WDR76: variants seen among roughly 807,000 people sequenced by gnomAD.
WDR76 encodes WD repeat-containing protein 76.
WDR76 carries 52 observed loss-of-function variants against 70.2 expected under a neutral mutation model. The ratio of observed to expected loss-of-function variants is 0.74; its 90% confidence interval spans 0.59 to 0.93. The LOEUF (loss-of-function observed/expected upper bound fraction) is 0.93. Among genes scored for constraint, WDR76 ranks in the 40% least tolerant of loss-of-function variants. The pLI, the probability that WDR76 is intolerant of heterozygous loss-of-function variation, is 0.00. For synonymous variants in WDR76, 292 were observed against 271.1 expected (o/e 1.08, Z -0.76); for missense variants, 756 against 760.2 (o/e 0.99, Z 0.07).
At chr15:43,846,896 C>T (rs1376308208) in intron 8 of WDR76, among the ~76,000 whole-genome samples, 1 of 151,868 alleles carries the variant, frequency 6.6e-6, no homozygotes, top group Non-Finnish European at 1.5e-5. Flanking sequence ...GTGGCACATG[C>T]CTGTAATCCC....
chr15:43,851,014 A>AT (rs2087850840), intron 8 of WDR76, 73 bp from the exon 9 acceptor site: 1 of 1,562,376 alleles, frequency 6.4e-7, no homozygotes, highest in African/African-American at 1.4e-5. Context: ...CTTTAATGAC[A>AT]TAATAGCATA....
intron 1 of WDR76, among the ~76,000 whole-genome samples, chr15:43,827,463 T>C (rs914934008): frequency 6.6e-6 from 1 of 152,196 alleles, no homozygotes; most frequent in African/African-American, 2.4e-5. Context: ...AGTAAGTGAA[T>C]TCTACTGAGG....
At chr15:43,829,333 A>G (rs2087557962) in intron 2 of WDR76, among the ~76,000 whole-genome samples, 1 of 152,124 alleles carries the variant, frequency 6.6e-6, no homozygotes, top group South Asian at 2.1e-4. Flanking sequence ...AAAACAGAAA[A>G]TGATCCTAGG....
chr15:43,831,711 A>G (rs2087591265), intron 2 of WDR76, among the ~76,000 whole-genome samples: 1 of 151,972 alleles, frequency 6.6e-6, no homozygotes, highest in Non-Finnish European at 1.5e-5. Flanking sequence ...CAGTGCTGGG[A>G]TTACAGGCGT....
chr15:43,828,376 T>C lies in WDR76; in HGVS notation c.462+10T>C. ...TACCACACCATCCCTGGTAAGAACT[T>C]AATTAGTAGCTTGTTCTGGTTTCTC... On this transcript the variant is annotated intron_variant, in intron 2 of 12. Transcript: ENST00000263795. 1 of 1,574,926 alleles carries C rather than the reference T, an allele frequency of 6.3e-7. No individual in the cohort carries two copies. Among genetic ancestry groups the C allele is most frequent in the Non-Finnish European group, 8.6e-7 (1 of 1,164,422 alleles).
In WDR76 at chr15:43,839,718, C is replaced by G; in HGVS notation, c.722C>G (p.Ala241Gly). The G allele has an allele frequency of 6.2e-7, 1 of 1,604,388 alleles. No individual in the cohort carries two copies. Among genetic ancestry groups the G allele is most frequent in the Non-Finnish European group, 8.5e-7 (1 of 1,175,602 alleles). Residue 241 changes from alanine to glycine, a missense_variant, in exon 5 of 13, where the codon GCA becomes GGA. By Grantham distance (60) the Ala-to-Gly change is moderately conservative (BLOSUM62 0). Transcript: ENST00000263795. Reference sequence around the variant, plus strand: ...GCTCCAACACCGCCGACATTAGTAGCAGATGAAACTGTAAGGAAATGTGCA... The same window carrying G: ...GCTCCAACACCGCCGACATTAGTAGGAGATGAAACTGTAAGGAAATGTGCA... ...PAAPTPPTLV[A>G]DETPLLPPGP...
Position 43,866,384 on chromosome 15 carries a change from A to T in WDR76, c.1873A>T (p.Ser625Cys), listed in dbSNP as rs1298376667. The T allele has an allele frequency of 6.8e-6, 11 of 1,613,694 alleles. No homozygotes were observed. The highest frequency in any genetic ancestry group is 9.3e-6 in the Non-Finnish European group (11 of 1,179,586). ...GATACATGTTTTTATGAATGAAAAA[A>T]GCTGCTGAGTTTTTGGTTTAGGAAC... is the stretch of plus-strand genomic sequence containing the variant. ...GKIHVFMNEK[S>C]C Residue 625 changes from serine to cysteine, a missense_variant, in exon 13 of 13, where the codon AGC becomes TGC. Physicochemically the swap from Ser to Cys is moderately radical, Grantham distance 112. Transcript: ENST00000263795.
At chr15:43,841,336 A>G (rs1027808295) in intron 5 of WDR76, among the ~76,000 whole-genome samples, 9 of 150,626 alleles carry the variant, frequency 6.0e-5, no homozygotes, top group Non-Finnish European at 1.2e-4. Context: ...CGCTGGGACT[A>G]TAGGCACCTG....
intron 9 of WDR76, among the ~76,000 whole-genome samples, chr15:43,852,059 CCT>C (rs1292271974): frequency 6.6e-6 from 1 of 152,096 alleles, no homozygotes; most frequent in Non-Finnish European, 1.5e-5. Context: ...AGAGTGAGAC[CCT>C]CTCTCAAAAT....
intron 10 of WDR76, among the ~76,000 whole-genome samples, chr15:43,858,196 G>T (rs146313280): frequency 6.6e-6 from 1 of 151,696 alleles, no homozygotes; most frequent in Non-Finnish European, 1.5e-5. Flanking sequence ...CTCCCAAAGT[G>T]CTGGGATTAC....
intron 2 of WDR76, among the ~76,000 whole-genome samples, chr15:43,831,441 G>T (rs1283962284): frequency 6.6e-6 from 1 of 151,162 alleles, no homozygotes; most frequent in African/African-American, 2.4e-5. Flanking sequence ...GCCCAGCCAA[G>T]ATACTTTTTT....
At chr15:43,828,813 G>A (rs759424781) in intron 2 of WDR76, among the ~76,000 whole-genome samples, 2 of 152,184 alleles carry the variant, frequency 1.3e-5, no homozygotes, top group East Asian at 1.9e-4. Context: ...AATGCAAAAC[G>A]AGACAAATGA....
At position 43,849,633 on chromosome 15, in the gene WDR76, G is replaced by A. The variant is rs144122929; in HGVS notation, c.1033-1454G>A. Among the ~76,000 whole-genome samples the A allele has an allele frequency of 1.1e-3, 165 of 152,114 alleles. 2 individuals carry two copies. Among genetic ancestry groups the A allele is most frequent in the African/African-American group, 3.7e-3 (153 of 41,502 alleles). On this transcript the variant is annotated intron_variant, in intron 8 of 12. Transcript: ENST00000263795. The stretch of plus-strand genomic sequence containing the variant: ...GGCTCACTGCAACCTCTGCCTCCCC[G>A]GTTCAAGCAATTCTCTGCCTCAGCC...
chr15:43,851,310 G>A, intron 9 of WDR76, 65 bp downstream of exon 9: 1 of 1,580,156 alleles, frequency 6.3e-7, no homozygotes, highest in Non-Finnish European at 8.6e-7. Flanking sequence ...AATGCCACAT[G>A]AATAATTATT....
intron 4 of WDR76, 93 bp downstream of exon 4, chr15:43,836,309 G>C: frequency 8.9e-7 from 1 of 1,127,620 alleles, no homozygotes; most frequent in Non-Finnish European, 1.3e-6. Context: ...AAGCTTAACA[G>C]ATCATAAAGT....
chr15:43,827,201 G>A (rs1177002376), intron 1 of WDR76, 109 bp downstream of exon 1: 51 of 1,411,388 alleles, frequency 3.6e-5, no homozygotes, highest in Middle Eastern at 1.8e-4. Flanking sequence ...GGGGGTAGGC[G>A]GGGGATCCCT....
intron 9 of WDR76, among the ~76,000 whole-genome samples, chr15:43,854,785 C>T (rs755395700): frequency 6.6e-6 from 1 of 151,652 alleles, no homozygotes; most frequent in Non-Finnish European, 1.5e-5. Flanking sequence ...CCCATCTCTA[C>T]TAAAAACACA....
rs149775321 is a variant in WDR76, at chr15:43,830,423, G to A, written c.462+2057G>A. On this transcript the variant is annotated intron_variant, in intron 2 of 12. Transcript: ENST00000263795. ...ACCAAAAATACAAAATTAGCTGGGC[G>A]TGGTGGCACAGGCCTGTAATCCCAG... 7.7e-3 allele frequency among the ~76,000 whole-genome samples: 1,177 copies of A among 152,028 alleles called. 20 individuals carry two copies. Among genetic ancestry groups the A allele is most frequent in the African/African-American group, 0.027 (1,115 of 41,458 alleles).
chr15:43,856,761 G>GATTAC (rs1215983257), intron 9 of WDR76, among the ~76,000 whole-genome samples, 185 bp from the exon 10 acceptor site: 1 of 151,994 alleles, frequency 6.6e-6, no homozygotes, highest in Admixed American at 6.6e-5. Flanking sequence ...AAATATTGAA[G>GATTAC]GTAATGGAAC....
Sources: allele counts gnomAD v4.1 joint callset (sites outside exome capture counted in the v4.1 genomes callset), GRCh38; gene constraint gnomAD v4.1.1; transcripts MANE v1.5; gene names NCBI Gene and HGNC (gene_info 2026-07-23, HGNC 2026-07-21).